The following KDM2B variants were observed in gnomAD, a reference collection of about 807,000 sequenced individuals.
The protein encoded by KDM2B is lysine-specific demethylase 2B.
In KDM2B, 26 loss-of-function variants were observed where a neutral mutation model predicts 150.0. The observed-to-expected ratio is 0.17, with a 90% confidence interval of 0.13 to 0.24. The LOEUF is 0.24. Ranked by LOEUF, KDM2B falls within the 10% of genes least tolerant of loss-of-function variation. The probability of loss-of-function intolerance (pLI) is 1.00; values close to 1 mark genes in which losing one functional copy is unlikely to be tolerated. For synonymous variants in KDM2B, 734 were observed against 729.5 expected, an observed-to-expected ratio of 1.01 and a Z score of -0.10; for missense variants, 1,265 against 1,816.9, an observed-to-expected ratio of 0.70 and a Z score of 5.52.
chr12:121,544,154 T>C (rs1198423341), intron 6 of KDM2B, among the ~76,000 whole-genome samples: 2 of 142,492 alleles, frequency 1.4e-5, no homozygotes, highest in African/African-American at 2.6e-5. Flanking sequence ...TACACACCTA[T>C]AGTCCTAGCT....
intron 21 of KDM2B, 52 bp downstream of exon 21, chr12:121,440,764 A>C (rs572831074): frequency 1.6e-5 from 24 of 1,510,900 alleles, no homozygotes; most frequent in African/African-American, 4.2e-5. Flanking sequence ...CAGATCCAAC[A>C]GTCTAGCTCG....
intron 12 of KDM2B, among the ~76,000 whole-genome samples, chr12:121,473,329 T>A (rs1192309422): frequency 1.3e-5 from 2 of 150,904 alleles, no homozygotes; most frequent in Non-Finnish European, 2.9e-5. Flanking sequence ...GAGACGGAGG[T>A]TGCAGTGAGC....
chr12:121,475,494 T>C lies in KDM2B; in HGVS notation c.1734+19085A>G, dbSNP rs537862456. Among the ~76,000 whole-genome samples the C allele has an allele frequency of 2.0e-5, 3 of 151,718 alleles. No individual in the cohort carries two copies. In the South Asian group the frequency reaches 6.2e-4, roughly 32 times the overall value. On this transcript the variant is annotated intron_variant, in intron 12 of 22. Coordinates refer to ENST00000377071, the MANE Select transcript of KDM2B (RefSeq NM_032590.5). ...TTTAAGTCCCAGCTACTCAAGAGGC[T>C]GAGGTGTGAGGATCATTTGAGCCCA...
chr12:121,433,019 T>C (rs1183101488), intron 22 of KDM2B: 16 of 408,858 alleles, frequency 3.9e-5, no homozygotes, highest in Non-Finnish European at 6.3e-5. Flanking sequence ...GGCAGTTACC[T>C]GTCGGTGGTA....
intron 1 of KDM2B, chr12:121,579,517 CA>C (rs1891778059): frequency 2.2e-6 from 2 of 922,998 alleles, no homozygotes; most frequent in Non-Finnish European, 1.5e-6. Context: ...CCCGCCAGTG[CA>C]AGAAGAGGAG....
intron 6 of KDM2B, among the ~76,000 whole-genome samples, chr12:121,542,448 G>T (rs1398269114): frequency 6.6e-6 from 1 of 152,198 alleles, no homozygotes; most frequent in Non-Finnish European, 1.5e-5. Flanking sequence ...CATGGCCAAG[G>T]CCTAACACAA....
chr12:121,477,579 CTT>C (rs35681515), intron 12 of KDM2B, among the ~76,000 whole-genome samples: 10 of 134,742 alleles, frequency 7.4e-5, no homozygotes, highest in Non-Finnish European at 9.4e-5. Context: ...TTTGTCTTTC[CTT>C]TTTTTTTTTT....
chr12:121,430,200 A>G lies in KDM2B; in HGVS notation c.*88T>C. 6.2e-7 allele frequency: 1 copy of G among 1,614,184 alleles called. No homozygotes were observed. Among genetic ancestry groups the G allele is most frequent in the Non-Finnish European group, 8.5e-7 (1 of 1,180,032 alleles). On this transcript the variant is annotated 3_prime_UTR_variant, in exon 23 of 23. Transcript: ENST00000377071. This position sits in a 1 kb window ranked among gnomAD's most constrained non-coding sequence, Gnocchi z 4.4. ...GAATTGCGTTGTGGTCTGTTGTCCC[A>G]CGTTCCAAATGGAAAATAAAAGCCC...
chr12:121,509,499 G>C (rs1020549400), intron 11 of KDM2B, 68 bp downstream of exon 11: 1 of 1,570,892 alleles, frequency 6.4e-7, no homozygotes, highest in Admixed American at 1.8e-5. Context: ...TGAGCTGCAC[G>C]TGTCACACTG....
intron 22 of KDM2B, among the ~76,000 whole-genome samples, chr12:121,432,723 C>CCTAT (rs1473168681): frequency 3.3e-5 from 5 of 152,346 alleles, no homozygotes; most frequent in Admixed American, 2.6e-4. Context: ...TTCCCAGCTC[C>CCTAT]CTATCTGCCT....
chr12:121,532,985 C>A (rs1555308096), intron 7 of KDM2B, 26 bp from the exon 8 acceptor site: 2 of 1,613,372 alleles, frequency 1.2e-6, no homozygotes, highest in East Asian at 4.5e-5. Context: ...AGGCAGTCAG[C>A]TGGAGACCCA....
chr12:121,456,765 T>C (rs1878302660), intron 12 of KDM2B, among the ~76,000 whole-genome samples: 1 of 152,134 alleles, frequency 6.6e-6, no homozygotes, highest in African/African-American at 2.4e-5. Flanking sequence ...AAGCACCTTC[T>C]CATCCAGCCT....
chr12:121,452,649 C>A lies in KDM2B; in HGVS notation c.1959+471G>T, dbSNP rs1455208949. Among the ~76,000 whole-genome samples, 1 of 152,244 alleles carries A rather than the reference C, an allele frequency of 6.6e-6. No homozygotes were observed. The highest frequency in any genetic ancestry group is 1.5e-5 in the Non-Finnish European group (1 of 68,038). ...TGGGGACGAGACCAGCGGCGCGGGG[C>A]CACTGCCGGAGCTGAGGCCAGGCGG... On this transcript the variant is annotated intron_variant, in intron 13 of 22. Transcript: ENST00000377071. This position sits in a 1 kb window ranked among gnomAD's most constrained non-coding sequence, Gnocchi z 4.4.
chr12:121,446,361 G>A (rs1876275103), intron 13 of KDM2B, among the ~76,000 whole-genome samples: 1 of 152,212 alleles, frequency 6.6e-6, no homozygotes, highest in Non-Finnish European at 1.5e-5. Context: ...CCATGCCACT[G>A]CACTCCAGCC....
At chr12:121,560,140 G>A (rs1890235808) in intron 4 of KDM2B, among the ~76,000 whole-genome samples, 1 of 152,028 alleles carries the variant, frequency 6.6e-6, no homozygotes, top group Admixed American at 6.6e-5. Context: ...AAGGAGGTTG[G>A]GACTATGGGC....
rs782153281 is a variant in KDM2B, at chr12:121,521,146, G to T, written c.932-46C>A. The T allele has an allele frequency of 7.4e-7, 1 of 1,348,588 alleles. No homozygotes were observed. The highest frequency in any genetic ancestry group is 1.1e-6 in the Non-Finnish European group (1 of 941,442). 83.5% of individuals were successfully genotyped at this position (1,348,588 alleles called of 1,614,324 possible). A position where few individuals can be genotyped will look rare whatever the true frequency, so the allele number is the denominator to read the frequency against. On this transcript the variant is annotated intron_variant, in intron 8 of 22. Transcript: ENST00000377071. This position sits in a 1 kb window ranked among gnomAD's most constrained non-coding sequence, Gnocchi z 4.9. ...AGAGGATGAGCCGCTGGCCCCTGTG[G>T]GCTCCCACACCTCACAAGGCTGCAG...
chr12:121,479,322 C>T (rs945188023), intron 12 of KDM2B, among the ~76,000 whole-genome samples: 31 of 150,134 alleles, frequency 2.1e-4, no homozygotes, highest in African/African-American at 7.6e-4. Flanking sequence ...AAAAAATTAG[C>T]CAGGCATGGT....
rs1386833481 is a variant in KDM2B at position 121,537,433 on chromosome 12, C to G, written c.684-2843G>C. ...GGCTTCCGCCTGGGCCTCGGCCGCC[C>G]CCGGCCGCCCCCAGCTCAGGTGGCT... is the stretch of plus-strand genomic sequence containing the variant. On this transcript the variant is annotated intron_variant, in intron 6 of 22. Coordinates refer to ENST00000377071, the MANE Select transcript of KDM2B (RefSeq NM_032590.5). The surrounding 1 kb of genome is among the most constrained non-coding windows in gnomAD (Gnocchi z 8.7). 6.6e-6 allele frequency: 1 copy of G among 152,476 alleles called. No homozygotes were observed. Among genetic ancestry groups the G allele is most frequent in the Non-Finnish European group, 1.5e-5 (1 of 68,266 alleles). 9.4% of individuals were successfully genotyped at this position (152,476 alleles called of 1,614,324 possible).
At chr12:121,440,571 C>T (rs1251232957) in intron 21 of KDM2B, 4 of 509,206 alleles carry the variant, frequency 7.9e-6, no homozygotes, top group Non-Finnish European at 1.4e-5. Flanking sequence ...CACGCAGAGC[C>T]CCATGAGCGA....
Sources: gnomAD v4.1 joint callset for allele counts (sites outside exome capture counted in the v4.1 genomes callset) on GRCh38, gnomAD v4.1.1 for gene constraint, Gnocchi (gnomAD v3.1) non-coding constraint, MANE v1.5 for transcripts, NCBI Gene and HGNC (gene_info 2026-07-23, HGNC 2026-07-21) for gene names.